KCNG4: variants seen among roughly 807,000 people sequenced by gnomAD.
KCNG4 encodes voltage-gated potassium channel regulatory subunit KCNG4.
Under a neutral mutation model 28.2 loss-of-function variants are expected in KCNG4, and 30 were observed. The observed-to-expected ratio is 1.06, with a 90% CI of 0.80 to 1.44. The LOEUF is 1.44. KCNG4 is among the 40% of genes most tolerant of loss of function. The pLI, the probability that KCNG4 is intolerant of heterozygous loss-of-function variation, is 0.00. For missense variants in KCNG4, 879 were observed against 712.3 expected (o/e 1.23, Z -2.66); for synonymous variants, 375 against 315.5 (o/e 1.19, Z -2.00).
intron 2 of KCNG4, among the ~76,000 whole-genome samples, chr16:84,224,759 C>T (rs892438946): frequency 2.0e-5 from 3 of 152,150 alleles, no homozygotes; most frequent in Non-Finnish European, 4.4e-5. Flanking sequence ...CAGAGTGTTC[C>T]AGCCTCTTCT....
In KCNG4 at chr16:84,236,978, C is replaced by G. The variant is rs1436833959; in HGVS notation, c.508G>C (p.Glu170Gln). ...AGCTTGGCCAGCTCCTCCAGCTCCT[C>G]CAGCTTCCTCAGCAGCTTCCGCAGG... is the stretch of plus-strand genomic sequence containing the variant. ...CCLRKLLRKL[E>Q]ELEELAKLHR... is the part of the protein sequence containing the mutation. Residue 170 changes from glutamate (E) to glutamine (Q), a missense_variant, in exon 2 of 3, where the codon GAG becomes CAG. Coordinates refer to ENST00000308251, the MANE Select transcript of KCNG4 (RefSeq NM_172347.3). 1 of 1,613,764 alleles carries G rather than the reference C, an allele frequency of 6.2e-7. No individual in the cohort carries two copies. The highest frequency in any genetic ancestry group is 1.1e-5 in the South Asian group (1 of 91,076).
chr16:84,229,963 G>T (rs1211062403), intron 2 of KCNG4, among the ~76,000 whole-genome samples: 1 of 152,214 alleles, frequency 6.6e-6, no homozygotes, highest in East Asian at 1.9e-4. Context: ...CATGGTCCGA[G>T]AAAGGGACAG....
chr16:84,228,694 G>A (rs1597618016), intron 2 of KCNG4, among the ~76,000 whole-genome samples: 1 of 151,296 alleles, frequency 6.6e-6, no homozygotes, highest in Admixed American at 6.6e-5. Flanking sequence ...CCAACCGGAC[G>A]GGGTCAGCCC....
At chr16:84,237,747 C>T (rs1404289093) in intron 1 of KCNG4, among the ~76,000 whole-genome samples, 1 of 152,146 alleles carries the variant, frequency 6.6e-6, no homozygotes, top group Non-Finnish European at 1.5e-5. Context: ...GAACCTCTAC[C>T]GACATCTCAG....
chr16:84,222,145 C>T lies in KCNG4; in HGVS notation c.*72G>A, dbSNP rs564756592. 4.3e-5 allele frequency: 65 copies of T among 1,495,608 alleles called. No homozygotes were observed. In the East Asian group the frequency reaches 8.8e-4, roughly 20 times the overall value. The allele number at this position is 1,495,608 out of a possible 1,614,324, so 92.6% of individuals were successfully genotyped here. A position where few individuals can be genotyped will look rare whatever the true frequency, so the allele number is the denominator to read the frequency against. ...TAGAAACACCACCAGGTGGTCTATGCGGGGTACCCTTGAGTGTGTTTCAGG... is the reference window on the plus strand; with the variant it reads ...TAGAAACACCACCAGGTGGTCTATGTGGGGTACCCTTGAGTGTGTTTCAGG... On this transcript the variant is annotated 3_prime_UTR_variant, in exon 3 of 3. Coordinates refer to ENST00000308251, the MANE Select transcript of KCNG4 (RefSeq NM_172347.3).
intron 2 of KCNG4, among the ~76,000 whole-genome samples, chr16:84,231,464 G>A (rs759223033): frequency 2.0e-5 from 3 of 152,172 alleles, no homozygotes; most frequent in Non-Finnish European, 4.4e-5. Context: ...TGCCCGGCCA[G>A]GGCTGAGGCC....
chr16:84,234,617 A>G (rs1490423695), intron 2 of KCNG4, among the ~76,000 whole-genome samples: 1 of 152,242 alleles, frequency 6.6e-6, no homozygotes, highest in Non-Finnish European at 1.5e-5. Flanking sequence ...TTCTGATGGA[A>G]GAGTTCTGTG....
chr16:84,234,263 T>A (rs1011898859), intron 2 of KCNG4, among the ~76,000 whole-genome samples: 1 of 152,132 alleles, frequency 6.6e-6, no homozygotes, highest in Non-Finnish European at 1.5e-5. Flanking sequence ...AACCTCCACC[T>A]CCGGGTTCAA....
Position 84,222,272 on chromosome 16 carries a change from T to A in KCNG4, c.1505A>T (p.Asn502Ile). ...CTCCAGGATTAGGTCATTGACATCG[T>A]TCATGAGCTCATGTTCACTGGCCAC... ...PHVASEHELM[N>I]DVNDLILEGP... is the part of the protein sequence containing the mutation. Residue 502 changes from asparagine (N) to isoleucine (I), a missense_variant, in exon 3 of 3, where the codon AAC becomes ATC. Transcript: ENST00000308251. 1.2e-6 allele frequency: 2 copies of A among 1,614,178 alleles called. No homozygotes were observed. Among genetic ancestry groups the A allele is most frequent in the Non-Finnish European group, 1.7e-6 (2 of 1,180,026 alleles).
At chr16:84,236,573 G>T (rs977266378) in intron 2 of KCNG4, 157 bp downstream of exon 2, 9 of 879,668 alleles carry the variant, frequency 1.0e-5, no homozygotes, top group African/African-American at 3.4e-5. Flanking sequence ...TATCTTTTAT[G>T]ACTGATGGCC....
At position 84,221,960 on chromosome 16, in the gene KCNG4, A is replaced by G. The variant is rs1449624801; in HGVS notation, c.*257T>C. ...GAATGAAAGGAGACTGAGCTACTCCAGCAAGATTGGACATGCTCAGTAGAT... is the reference window on the plus strand; with the variant it reads ...GAATGAAAGGAGACTGAGCTACTCCGGCAAGATTGGACATGCTCAGTAGAT... On this transcript the variant is annotated 3_prime_UTR_variant, in exon 3 of 3. Transcript: ENST00000308251. The G allele has an allele frequency of 1.9e-6, 1 of 518,408 alleles. No homozygotes were observed. The highest frequency in any genetic ancestry group is 3.4e-6 in the Non-Finnish European group (1 of 291,876). The allele number at this position is 518,408 out of a possible 1,614,324, so 32.1% of individuals were successfully genotyped here. A position where few individuals can be genotyped will look rare whatever the true frequency, so the allele number is the denominator to read the frequency against.
intron 2 of KCNG4, among the ~76,000 whole-genome samples, chr16:84,224,162 AG>A (rs1257493109): frequency 6.6e-6 from 1 of 152,116 alleles, no homozygotes; most frequent in Non-Finnish European, 1.5e-5. Context: ...GCAGTTAACA[AG>A]GTCTCCAGGT....
chr16:84,234,689 T>C (rs1200427793), intron 2 of KCNG4, among the ~76,000 whole-genome samples: 1 of 152,166 alleles, frequency 6.6e-6, no homozygotes, highest in Non-Finnish European at 1.5e-5. Flanking sequence ...GCGTGGATGG[T>C]ATCAGGGTCA....
In KCNG4 at chr16:84,221,667, A is replaced by G. The variant is rs766459587; in HGVS notation, c.*550T>C. ...TTCAGAGCTGGCGGGAGGTAGCAGC[A>G]TTAGGGAAATATCACTGGTGGTGGT... On this transcript the variant is annotated 3_prime_UTR_variant, in exon 3 of 3. Transcript: ENST00000308251. 3 of 153,976 alleles carry G rather than the reference A, an allele frequency of 1.9e-5. No homozygotes were observed. Among genetic ancestry groups the G allele is most frequent in the Non-Finnish European group, 2.9e-5 (2 of 69,208 alleles). The allele number at this position is 153,976 out of a possible 1,614,324, so 9.5% of individuals were successfully genotyped here.
At chr16:84,229,961 G>A (rs1016448554) in intron 2 of KCNG4, among the ~76,000 whole-genome samples, 3 of 152,214 alleles carry the variant, frequency 2.0e-5, no homozygotes, top group Non-Finnish European at 4.4e-5. Context: ...TTCATGGTCC[G>A]AGAAAGGGAC....
Position 84,220,274 on chromosome 16 carries a change from C to T in KCNG4, c.*1943G>A, listed in dbSNP as rs1373603948. The stretch of plus-strand genomic sequence containing the variant: ...TGTCATGGCCACTGAACCACTATGT[C>T]ACCTGGTGACATGTCAGCTTGGGAA... On this transcript the variant is annotated 3_prime_UTR_variant, in exon 3 of 3. Coordinates refer to ENST00000308251, the MANE Select transcript of KCNG4 (RefSeq NM_172347.3). 6.6e-6 allele frequency: 1 copy of T among 152,112 alleles called. No individual in the cohort carries two copies. The highest frequency in any genetic ancestry group is 1.5e-5 in the Non-Finnish European group (1 of 68,036). The allele number at this position is 152,112 out of a possible 1,614,324, so 9.4% of individuals were successfully genotyped here. A position where few individuals can be genotyped will look rare whatever the true frequency, so the allele number is the denominator to read the frequency against.
chr16:84,222,009 C>A lies in KCNG4; in HGVS notation c.*208G>T. The A allele has an allele frequency of 3.4e-6, 2 of 591,870 alleles. No individual in the cohort carries two copies. Among genetic ancestry groups the A allele is most frequent in the South Asian group, 4.1e-5 (2 of 49,376 alleles). The allele number at this position is 591,870 out of a possible 1,614,324, so 36.7% of individuals were successfully genotyped here. On this transcript the variant is annotated 3_prime_UTR_variant, in exon 3 of 3. Coordinates refer to ENST00000308251, the MANE Select transcript of KCNG4 (RefSeq NM_172347.3). ...ATGGGCAGAGAGAGGAAAAGGCAAG[C>A]AGGCTGGACACAGTCAGCCTGGGAC...
intron 2 of KCNG4, among the ~76,000 whole-genome samples, chr16:84,232,434 G>A (rs1394780240): frequency 6.6e-6 from 1 of 152,208 alleles, no homozygotes; most frequent in Non-Finnish European, 1.5e-5. Context: ...GGGAGAGGAA[G>A]GAGGAGAGAC....
rs749878317 is a variant in KCNG4 at position 84,236,681 on chromosome 16, C to T, written c.756+49G>A. 2.6e-6 allele frequency: 4 copies of T among 1,551,304 alleles called. No individual in the cohort carries two copies. In the East Asian group the frequency reaches 6.8e-5, roughly 26 times the overall value. ...TTGGGCCCCTAAAAGACATCTCCGC[C>T]CAGGCACCCTGCGGGATGGAGCCGT... On this transcript the variant is annotated intron_variant, in intron 2 of 2. Coordinates refer to ENST00000308251, the MANE Select transcript of KCNG4 (RefSeq NM_172347.3).
Sources: allele counts gnomAD v4.1 joint callset (sites outside exome capture counted in the v4.1 genomes callset), GRCh38; gene constraint gnomAD v4.1.1; transcripts MANE v1.5; gene names NCBI Gene and HGNC (gene_info 2026-07-23, HGNC 2026-07-21).